The following EYA1 variants were observed in gnomAD, a reference collection of about 807,000 sequenced individuals.
EYA1 encodes EYA transcriptional coactivator and phosphatase 1, also known as protein phosphatase EYA1.
Under a neutral mutation model 82.0 loss-of-function variants are expected in EYA1, and 16 were observed. The ratio of observed to expected loss-of-function variants is 0.20; its 90% confidence interval spans 0.13 to 0.30. EYA1 has a LOEUF of 0.30. Ranked by LOEUF, EYA1 falls within the 10% of genes least tolerant of loss-of-function variation. The pLI is 1.00. For synonymous variants in EYA1, 261 were observed against 264.4 expected (o/e 0.99, Z 0.12); for missense variants, 633 against 730.7 (o/e 0.87, Z 1.54).
rs1476986930 is a variant in EYA1 at position 71,361,942 on chromosome 8, G to A, written c.-350C>T. ...ACGGCAACAGGAAGGCTTAAAGTCG[G>A]AAGTGGCACTGGAGAGTTTCTACCT... On this transcript the variant is annotated 5_prime_UTR_variant, in exon 1 of 18. Transcript: ENST00000340726. The A allele has an allele frequency of 2.0e-6, 2 of 985,348 alleles. No homozygotes were observed. The highest frequency in any genetic ancestry group is 3.5e-5 in the African/African-American group (2 of 57,240). The allele number at this position is 985,348 out of a possible 1,614,324, so 61.0% of individuals were successfully genotyped here.
At chr8:71,328,803 C>T (rs988785183) in intron 4 of EYA1, among the ~76,000 whole-genome samples, 3 of 152,164 alleles carry the variant, frequency 2.0e-5, no homozygotes, top group African/African-American at 7.2e-5. Flanking sequence ...ACATCCACTG[C>T]TTTTCTCAGT....
chr8:71,277,512 T>A (rs1200159143), intron 9 of EYA1, among the ~76,000 whole-genome samples: 1 of 152,180 alleles, frequency 6.6e-6, no homozygotes, highest in Non-Finnish European at 1.5e-5. Flanking sequence ...TATTAGCCTC[T>A]GAAGATCAAA....
In EYA1 at chr8:71,390,009, T is replaced by C. The variant is rs376663885; in HGVS notation, c.34-33498A>G. Among the ~76,000 whole-genome samples the C allele has an allele frequency of 6.2e-4, 94 of 152,324 alleles. 2 individuals carry two copies. In the South Asian group the frequency reaches 0.019, roughly 31 times the overall value. On this transcript the variant is annotated intron_variant, in intron 2 of 18. Coordinates refer to the EYA1 transcript ENST00000643681. ...TTTAAATGCTGATTTTACCAGATGC[T>C]TTTTCTTTTGCATTTAGTAATACAT...
chr8:71,376,550 C>T (rs1044664734), intron 2 of EYA1, among the ~76,000 whole-genome samples: 3 of 151,968 alleles, frequency 2.0e-5, no homozygotes, highest in African/African-American at 7.3e-5. Flanking sequence ...TGTAGTAGTC[C>T]AGGTGAAAGG....
rs377242369 is a variant in EYA1, at chr8:71,436,123, T to A, written c.34-79612A>T. The stretch of plus-strand genomic sequence containing the variant: ...AAGAAGAATGGAAAGGCCTCAATAT[T>A]CCAAAGTCTGAACAATAGAACCTAA... On this transcript the variant is annotated intron_variant, in intron 2 of 18. Transcript: ENST00000643681. 4.5e-4 allele frequency among the ~76,000 whole-genome samples: 69 copies of A among 152,198 alleles called. 1 individual carries two copies. In the South Asian group the frequency reaches 0.014, roughly 31 times the overall value.
At chr8:71,483,612 C>A (rs1301095460) in intron 2 of EYA1, among the ~76,000 whole-genome samples, 2 of 149,962 alleles carry the variant, frequency 1.3e-5, no homozygotes, top group Admixed American at 6.7e-5. Flanking sequence ...TGGAAAAAAA[C>A]ATCAGGATGT....
intron 2 of EYA1, among the ~76,000 whole-genome samples, chr8:71,476,201 A>T (rs1251640877): frequency 6.6e-6 from 1 of 152,164 alleles, no homozygotes; most frequent in African/African-American, 2.4e-5. Flanking sequence ...GGTCTCAATG[A>T]GTACCGGGCT....
At position 71,258,097 on chromosome 8, in the gene EYA1, T is replaced by C. The variant is rs76151545; in HGVS notation, c.1050+11643A>G. ...GATTTAGAGTGGCATTAGTTTAGAATAGTTTTACCCTAATGACAGACTATT... is the reference window on the plus strand; with the variant it reads ...GATTTAGAGTGGCATTAGTTTAGAACAGTTTTACCCTAATGACAGACTATT... On this transcript the variant is annotated intron_variant, in intron 11 of 17. Coordinates refer to ENST00000340726, the MANE Select transcript of EYA1 (RefSeq NM_000503.6). Among the ~76,000 whole-genome samples the C allele has an allele frequency of 5.3e-4, 80 of 152,320 alleles. No individual in the cohort carries two copies. The East Asian group carries it at 0.015, about 29-fold the overall frequency.
At chr8:71,200,218 G>A (rs894264789) in intron 17 of EYA1, 1 of 152,164 alleles carries the variant, frequency 6.6e-6, no homozygotes, top group Non-Finnish European at 1.5e-5. Flanking sequence ...AATTCTGTTT[G>A]TTTACCTTAT....
rs543383789 is a variant in EYA1 at position 71,541,848 on chromosome 8, C to A, written c.-72-6000G>T. Reference sequence around the variant, plus strand: ...GCACTGAATTTAGGGCATTGCTAGTCTTCTTCAAACGTTGTTTTGATACAA... The same window carrying A: ...GCACTGAATTTAGGGCATTGCTAGTATTCTTCAAACGTTGTTTTGATACAA... On this transcript the variant is annotated intron_variant, in intron 1 of 18. Transcript: ENST00000643681. 3.3e-5 allele frequency among the ~76,000 whole-genome samples: 5 copies of A among 152,302 alleles called. No homozygotes were observed. In the South Asian group the frequency reaches 8.3e-4, roughly 25 times the overall value.
chr8:71,485,572 A>G (rs1810498843), intron 2 of EYA1, among the ~76,000 whole-genome samples: 1 of 150,630 alleles, frequency 6.6e-6, no homozygotes. Flanking sequence ...AGAGTAAACC[A>G]TTTAAAAAAA....
chr8:71,395,899 C>T (rs11998407), intron 2 of EYA1, among the ~76,000 whole-genome samples: 9,111 of 152,068 alleles, frequency 0.06, 929 homozygotes, highest in African/African-American at 0.21. Context: ...TGGTAGAATT[C>T]GGCTGTGAAT....
chr8:71,325,014 T>C (rs568991444), intron 4 of EYA1, among the ~76,000 whole-genome samples: 133 of 152,344 alleles, frequency 8.7e-4, no homozygotes, highest in African/African-American at 3.0e-3. Flanking sequence ...CTTTCTTAAA[T>C]GGAAACTTCT....
At chr8:71,265,685 T>C (rs1453872276) in intron 11 of EYA1, among the ~76,000 whole-genome samples, 1 of 152,244 alleles carries the variant, frequency 6.6e-6, no homozygotes, top group African/African-American at 2.4e-5. Flanking sequence ...TTGTTTATTA[T>C]AAGGAGACCA....
At chr8:71,286,384 T>G (rs1818360891) in intron 9 of EYA1, among the ~76,000 whole-genome samples, 1 of 152,230 alleles carries the variant, frequency 6.6e-6, no homozygotes, top group Non-Finnish European at 1.5e-5. Flanking sequence ...AGTTCACTAC[T>G]GCAGAGTGCA....
intron 2 of EYA1, among the ~76,000 whole-genome samples, chr8:71,420,809 C>T (rs1183838797): frequency 6.6e-6 from 1 of 152,118 alleles, no homozygotes; most frequent in African/African-American, 2.4e-5. Flanking sequence ...TGAAAGGCAT[C>T]ACTCTTCTAT....
At chr8:71,408,209 G>A (rs1830380914) in intron 2 of EYA1, among the ~76,000 whole-genome samples, 1 of 151,870 alleles carries the variant, frequency 6.6e-6, no homozygotes, top group African/African-American at 2.4e-5. Context: ...CCCTAAAAGA[G>A]CTCCTGAAGG....
chr8:71,248,345 T>C (rs556385048), intron 11 of EYA1, among the ~76,000 whole-genome samples: 1 of 152,232 alleles, frequency 6.6e-6, no homozygotes, highest in Non-Finnish European at 1.5e-5. Flanking sequence ...CAGACATCTT[T>C]GAACCACAAT....
chr8:71,546,257 A>C (rs991697807), intron 1 of EYA1, among the ~76,000 whole-genome samples: 23 of 152,086 alleles, frequency 1.5e-4, no homozygotes, highest in Non-Finnish European at 2.1e-4. Flanking sequence ...TGTCCATCAG[A>C]CTGCTTGCTC....
Sources: gnomAD v4.1 joint callset for allele counts (sites outside exome capture counted in the v4.1 genomes callset) on GRCh38, gnomAD v4.1.1 for gene constraint, MANE v1.5 for transcripts, NCBI Gene and HGNC (gene_info 2026-07-23, HGNC 2026-07-21) for gene names.